MYT1L: variants seen among roughly 807,000 people sequenced by gnomAD.
MYT1L encodes the protein myelin transcription factor 1-like protein.
A neutral mutation model predicts 126.7 loss-of-function variants in MYT1L; 12 were observed. That is an observed-to-expected ratio of 0.09 (90% CI 0.06 to 0.15). The LOEUF is 0.15. Among genes scored for constraint, MYT1L ranks in the 10% least tolerant of loss-of-function variants. The pLI is 1.00. For missense variants in MYT1L, 979 were observed against 1,585.2 expected, an observed-to-expected ratio of 0.62 and a Z score of 6.49; for synonymous variants, 541 against 604.2, an observed-to-expected ratio of 0.90 and a Z score of 1.53.
intron 2 of MYT1L, among the ~76,000 whole-genome samples, chr2:2,242,072 G>C (rs897806435): frequency 3.3e-5 from 5 of 152,090 alleles, no homozygotes; most frequent in African/African-American, 1.2e-4. Context: ...AGGAAGGCAG[G>C]CAGGAAGGAG....
chr2:1,953,955 T>C (rs1184279583), intron 8 of MYT1L, among the ~76,000 whole-genome samples: 1 of 152,178 alleles, frequency 6.6e-6, no homozygotes, highest in Non-Finnish European at 1.5e-5. Flanking sequence ...CTTTAAGTGA[T>C]GTTCCATTTT....
chr2:1,971,817 T>C (rs1000220290), intron 8 of MYT1L, among the ~76,000 whole-genome samples: 2 of 152,080 alleles, frequency 1.3e-5, no homozygotes, highest in Admixed American at 1.3e-4. Flanking sequence ...GGCCTGAATT[T>C]TGTGTCTGCA....
chr2:1,949,535 T>C (rs2149303346), intron 8 of MYT1L, among the ~76,000 whole-genome samples: 1 of 152,332 alleles, frequency 6.6e-6, no homozygotes, highest in Middle Eastern at 3.4e-3. Flanking sequence ...TTGCTGGCCA[T>C]GGCTTTCCCT....
At chr2:1,817,713 C>A (rs113212900) in intron 21 of MYT1L, among the ~76,000 whole-genome samples, 17 of 152,214 alleles carry the variant, frequency 1.1e-4, no homozygotes, top group African/African-American at 4.1e-4. Context: ...GGCCTGGGGG[C>A]GGTGCTGGTC....
intron 3 of MYT1L, among the ~76,000 whole-genome samples, chr2:2,118,281 G>A (rs556053738): frequency 1.3e-5 from 2 of 152,096 alleles, no homozygotes; most frequent in African/African-American, 2.4e-5. Context: ...TTAATATGAA[G>A]AATTGCTTAA....
chr2:2,180,402 C>T (rs776411888), intron 2 of MYT1L, among the ~76,000 whole-genome samples: 11 of 150,586 alleles, frequency 7.3e-5, no homozygotes, highest in African/African-American at 1.5e-4. Context: ...GGAAAGAAGA[C>T]GAGAGAGCAA....
chr2:2,003,391 C>T (rs530805846), intron 4 of MYT1L, among the ~76,000 whole-genome samples: 1 of 152,158 alleles, frequency 6.6e-6, no homozygotes, highest in Non-Finnish European at 1.5e-5. Flanking sequence ...ACAACCCAGG[C>T]CCCCAGTCCA....
At chr2:2,141,049 A>C (rs2083902668) in intron 3 of MYT1L, among the ~76,000 whole-genome samples, 1 of 152,206 alleles carries the variant, frequency 6.6e-6, no homozygotes, top group South Asian at 2.1e-4. Flanking sequence ...TTCATTGTAA[A>C]CATTATGCAT....
chr2:2,276,655 A>C (rs2149374133), intron 2 of MYT1L, among the ~76,000 whole-genome samples: 1 of 152,218 alleles, frequency 6.6e-6, no homozygotes, highest in South Asian at 2.1e-4. Context: ...GCCACCGAAA[A>C]GCAGCTTGGG....
At chr2:1,940,395 C>G (rs1462022482) in intron 9 of MYT1L, among the ~76,000 whole-genome samples, 2 of 149,076 alleles carry the variant, frequency 1.3e-5, no homozygotes, top group African/African-American at 5.0e-5. Context: ...TGCCAGGATG[C>G]TTAGTAAACT....
At chr2:1,952,195 A>T (rs943002522) in intron 8 of MYT1L, among the ~76,000 whole-genome samples, 6 of 152,222 alleles carry the variant, frequency 3.9e-5, no homozygotes, top group Admixed American at 3.3e-4. Flanking sequence ...TAGGGAATTT[A>T]AAAATAATCT....
At chr2:1,800,044 T>C (rs970883198) in intron 23 of MYT1L, 2 of 152,256 alleles carry the variant, frequency 1.3e-5, no homozygotes, top group Non-Finnish European at 2.9e-5. Flanking sequence ...ATTTCCTTTA[T>C]AAACTACCCA....
intron 8 of MYT1L, among the ~76,000 whole-genome samples, chr2:1,946,999 A>G (rs768827393): frequency 1.9e-4 from 29 of 152,168 alleles, no homozygotes; most frequent in South Asian, 1.5e-3. Flanking sequence ...GCGGGTCATA[A>G]TGACCGGAGC....
At chr2:2,070,560 G>A (rs571199201) in intron 3 of MYT1L, among the ~76,000 whole-genome samples, 6 of 152,296 alleles carry the variant, frequency 3.9e-5, no homozygotes, top group South Asian at 4.1e-4. Flanking sequence ...GACCCAATTC[G>A]CTTTACCCTG....
In MYT1L at chr2:2,188,447, G is replaced by A. The variant is rs372282200; in HGVS notation, c.-420-15459C>T. On this transcript the variant is annotated intron_variant, in intron 2 of 24. Transcript: ENST00000647738. ...TTACCAGCAGGCACACGCTCACGCC[G>A]ATAGGAGCCGTGCACAAGCGTGTGC... is the stretch of plus-strand genomic sequence containing the variant. 2.2e-4 allele frequency among the ~76,000 whole-genome samples: 34 copies of A among 152,330 alleles called. No individual in the cohort carries two copies. The East Asian group carries it at 6.2e-3, about 28-fold the overall frequency.
At chr2:1,923,500 T>A (rs2053838128) in intron 9 of MYT1L, among the ~76,000 whole-genome samples, 1 of 152,252 alleles carries the variant, frequency 6.6e-6, no homozygotes, top group African/African-American at 2.4e-5. Context: ...ATTTCTTTAA[T>A]GGATCTTAAG....
chr2:2,293,939 C>T (rs549162395), intron 1 of MYT1L, among the ~76,000 whole-genome samples: 48 of 152,282 alleles, frequency 3.2e-4, no homozygotes, highest in South Asian at 1.2e-3. Flanking sequence ...ATAGCATCAG[C>T]CATGGGAAGG....
intron 1 of MYT1L, among the ~76,000 whole-genome samples, chr2:2,319,892 T>C (rs955632061): frequency 2.6e-5 from 4 of 152,000 alleles, no homozygotes; most frequent in African/African-American, 4.8e-5. Flanking sequence ...TATATGCACA[T>C]TGTATTAATT....
At chr2:2,115,907 C>T (rs2080149239) in intron 3 of MYT1L, among the ~76,000 whole-genome samples, 1 of 150,740 alleles carries the variant, frequency 6.6e-6, no homozygotes, top group Non-Finnish European at 1.5e-5. Flanking sequence ...TCGATGAAAA[C>T]AGGACGAGCC....
Sources: gnomAD v4.1 joint callset for allele counts (sites outside exome capture counted in the v4.1 genomes callset) on GRCh38, gnomAD v4.1.1 for gene constraint, MANE v1.5 for transcripts, NCBI Gene and HGNC (gene_info 2026-07-23, HGNC 2026-07-21) for gene names.